The following RAB11B variants were observed in gnomAD, a reference collection of about 807,000 sequenced individuals.
The protein encoded by RAB11B is RAB11B, member RAS oncogene family.
In RAB11B, 7 loss-of-function variants were observed where a neutral mutation model predicts 23.7. The ratio of observed to expected loss-of-function variants is 0.29; its 90% CI spans 0.17 to 0.55. The LOEUF is 0.55. Ranked by LOEUF, RAB11B falls within the 20% of genes least tolerant of loss-of-function variation. The pLI is 0.93. For synonymous variants in RAB11B, 138 were observed against 132.0 expected (o/e 1.05, Z -0.31); for missense variants, 189 against 320.0 (o/e 0.59, Z 3.12).
At position 8,402,601 on chromosome 19, in the gene RAB11B, A is replaced by G. The variant is rs756641406; in HGVS notation, c.511+36A>G. 7.3e-6 allele frequency: 11 copies of G among 1,512,902 alleles called. No individual in the cohort carries two copies. In the African/African-American group the frequency reaches 1.4e-4, roughly 19 times the overall value. The allele number at this position is 1,512,902 out of a possible 1,614,324, so 93.7% of individuals were successfully genotyped here. A position where few individuals can be genotyped will look rare whatever the true frequency, so the allele number is the denominator to read the frequency against. ...ACCAGATGGGTGTGGGTAGGGCACC[A>G]GCCAGGCAGGGTGGAACACGGCCTC... On this transcript the variant is annotated intron_variant, in intron 4 of 4. Transcript: ENST00000328024.
At position 8,403,823 on chromosome 19, in the gene RAB11B, C is replaced by A. The variant is rs981749171; in HGVS notation, c.*265C>A. ...GGGGTGGGGAGGGCGGCAGGATGGA[C>A]GGGGCTGGCCAGAGGCGAGGAGGAC... On this transcript the variant is annotated 3_prime_UTR_variant, in exon 5 of 5. Coordinates refer to ENST00000328024, the MANE Select transcript of RAB11B (RefSeq NM_004218.4). The A allele has an allele frequency of 2.2e-6, 1 of 452,652 alleles. No individual in the cohort carries two copies. The highest frequency in any genetic ancestry group is 3.7e-5 in the South Asian group (1 of 27,088). The allele number at this position is 452,652 out of a possible 1,614,324, so 28.0% of individuals were successfully genotyped here.
intron 4 of RAB11B, chr19:8,403,042 A>G: frequency 3.0e-6 from 1 of 338,560 alleles, no homozygotes; most frequent in Non-Finnish European, 5.4e-6. Flanking sequence ...ACAGGGTCAG[A>G]CCAGGTCTAG....
chr19:8,399,301 TG>T (rs1214407217), intron 1 of RAB11B, among the ~76,000 whole-genome samples: 1 of 152,178 alleles, frequency 6.6e-6, no homozygotes, highest in East Asian at 1.9e-4. Flanking sequence ...TTGGCCAGGC[TG>T]GTCTCGAACT....
At chr19:8,398,367 C>G (rs1174772368) in intron 1 of RAB11B, among the ~76,000 whole-genome samples, 2 of 152,228 alleles carry the variant, frequency 1.3e-5, no homozygotes, top group Non-Finnish European at 2.9e-5. Context: ...TGCATCTTGG[C>G]AAGCTGCTCT....
chr19:8,403,634 T>C lies in RAB11B; in HGVS notation c.*76T>C, dbSNP rs1398472901. The C allele has an allele frequency of 6.5e-6, 10 of 1,532,772 alleles. No individual in the cohort carries two copies. The Admixed American group carries it at 1.6e-4, about 25-fold the overall frequency. The allele number at this position is 1,532,772 out of a possible 1,614,324, so 94.9% of individuals were successfully genotyped here. A position where few individuals can be genotyped will look rare whatever the true frequency, so the allele number is the denominator to read the frequency against. On this transcript the variant is annotated 3_prime_UTR_variant, in exon 5 of 5. Coordinates refer to ENST00000328024, the MANE Select transcript of RAB11B (RefSeq NM_004218.4). ...ACGGTATCCTCTGGCCCCTCCCTGC[T>C]GTCCCTCTGTGGCCGGCTCGTTCCA...
At position 8,390,383 on chromosome 19, in the gene RAB11B, C is replaced by A; in HGVS notation, c.-34C>A. The A allele has an allele frequency of 6.6e-7, 1 of 1,521,934 alleles. No individual in the cohort carries two copies. 94.3% of individuals were successfully genotyped at this position (1,521,934 alleles called of 1,614,324 possible). ...CCGTCGGGTGTTTGTGGTGGGGCTGCGGAGTCGCCGATCCCGCCGGAAGCG... is the reference window on the plus strand; with the variant it reads ...CCGTCGGGTGTTTGTGGTGGGGCTGAGGAGTCGCCGATCCCGCCGGAAGCG... On this transcript the variant is annotated 5_prime_UTR_variant, in exon 1 of 5. Transcript: ENST00000328024.
chr19:8,391,494 C>T (rs1006216697), intron 1 of RAB11B, among the ~76,000 whole-genome samples: 14 of 152,200 alleles, frequency 9.2e-5, no homozygotes, highest in African/African-American at 3.1e-4. Context: ...CAGCCATTGC[C>T]CATTTAGGGA....
rs1971456132 is a variant in RAB11B at position 8,403,611 on chromosome 19, G to A, written c.*53G>A. The A allele has an allele frequency of 3.2e-6, 5 of 1,567,578 alleles. No homozygotes were observed. The highest frequency in any genetic ancestry group is 2.3e-5 in the East Asian group (1 of 43,996). ...CACGTCCTCCGCCCGCCCCCGCCAC[G>A]GTATCCTCTGGCCCCTCCCTGCTGT... On this transcript the variant is annotated 3_prime_UTR_variant, in exon 5 of 5. Coordinates refer to ENST00000328024, the MANE Select transcript of RAB11B (RefSeq NM_004218.4).
chr19:8,400,417 G>T (rs902169479), intron 2 of RAB11B: 2 of 305,260 alleles, frequency 6.6e-6, no homozygotes, highest in Non-Finnish European at 1.3e-5. Flanking sequence ...TCCCACCTGG[G>T]CCTGGCCTCC....
intron 2 of RAB11B, among the ~76,000 whole-genome samples, chr19:8,401,230 A>T (rs1347808013): frequency 2.7e-5 from 4 of 149,392 alleles, no homozygotes; most frequent in African/African-American, 4.9e-5. Context: ...ACAGGCGCCC[A>T]CCACCACGCC....
intron 3 of RAB11B, 35 bp from the exon 4 acceptor site, chr19:8,402,450 C>G: frequency 6.3e-7 from 1 of 1,599,224 alleles, no homozygotes; most frequent in Non-Finnish European, 8.6e-7. Flanking sequence ...GTCACCCTGC[C>G]TCCCCACTCA....
At chr19:8,402,645 G>A (rs368504709) in intron 4 of RAB11B, 80 bp downstream of exon 4, 2 of 706,760 alleles carry the variant, frequency 2.8e-6, no homozygotes, top group South Asian at 3.6e-5. Context: ...CGCTTGTTTT[G>A]TTCGTTTGCT....
chr19:8,394,144 G>T (rs1173980473), intron 1 of RAB11B, among the ~76,000 whole-genome samples: 2 of 152,214 alleles, frequency 1.3e-5, no homozygotes, highest in South Asian at 4.1e-4. Context: ...GGCACCCAGT[G>T]CCAGGGACTG....
At chr19:8,399,385 G>C (rs1342574371) in intron 1 of RAB11B, among the ~76,000 whole-genome samples, 1 of 152,206 alleles carries the variant, frequency 6.6e-6, no homozygotes, top group Non-Finnish European at 1.5e-5. Context: ...ACCGTGCCTG[G>C]CCATGCCTGC....
chr19:8,402,760 T>C, intron 4 of RAB11B, 195 bp downstream of exon 4: 1 of 592,806 alleles, frequency 1.7e-6, no homozygotes, highest in Non-Finnish European at 3.0e-6. Flanking sequence ...CCTTCCAGGT[T>C]CAGGCAATTC....
chr19:8,393,687 C>G (rs1054925145), intron 1 of RAB11B, among the ~76,000 whole-genome samples: 10 of 152,150 alleles, frequency 6.6e-5, no homozygotes, highest in African/African-American at 9.7e-5. Flanking sequence ...CCCCCAGTGC[C>G]GGTCCCTGGG....
At chr19:8,392,091 C>T (rs115266175) in intron 1 of RAB11B, among the ~76,000 whole-genome samples, 1,770 of 152,096 alleles carry the variant, frequency 0.012, 34 homozygotes, top group African/African-American at 0.041. Context: ...TCCTGCTGAT[C>T]GGGTGCCATC....
intron 1 of RAB11B, 128 bp from the exon 2 acceptor site, chr19:8,399,735 G>A: frequency 2.9e-6 from 3 of 1,031,302 alleles, no homozygotes; most frequent in Non-Finnish European, 4.3e-6. Flanking sequence ...CTGGGCTCCA[G>A]GCATCTCTCG....
At chr19:8,401,991 G>T in intron 2 of RAB11B, 95 bp from the exon 3 acceptor site, 1 of 1,340,154 alleles carries the variant, frequency 7.5e-7, no homozygotes, top group South Asian at 1.5e-5. Flanking sequence ...GGCCCTGGAC[G>T]ACCCACCCTG....
Sources: allele counts gnomAD v4.1 joint callset (sites outside exome capture counted in the v4.1 genomes callset), GRCh38; gene constraint gnomAD v4.1.1; transcripts MANE v1.5; gene names NCBI Gene and HGNC (gene_info 2026-07-23, HGNC 2026-07-21).